Variants in NPAS3 observed in about 807,000 individuals in gnomAD.
NPAS3 encodes the protein neuronal PAS domain protein 3.
Under a neutral mutation model 73.1 loss-of-function variants are expected in NPAS3, and 14 were observed. The ratio of observed to expected loss-of-function variants is 0.19; its 90% CI spans 0.13 to 0.30. The LOEUF (loss-of-function observed/expected upper bound fraction) is 0.30, where lower values mean the gene tolerates loss of function less well. Among genes scored for constraint, NPAS3 ranks in the 10% least tolerant of loss-of-function variants. The pLI, the probability that NPAS3 is intolerant of heterozygous loss-of-function variation, is 1.00. For missense variants in NPAS3, 1,096 were observed against 1,250.0 expected (o/e 0.88, Z 1.86); for synonymous variants, 620 against 541.5 (o/e 1.14, Z -2.01).
At chr14:33,531,215 G>T (rs539886489) in intron 4 of NPAS3, among the ~76,000 whole-genome samples, 83 of 152,084 alleles carry the variant, frequency 5.5e-4, no homozygotes, top group Non-Finnish European at 8.5e-4. Context: ...CTTTAAAAAT[G>T]ATTTTTAAAA....
At chr14:33,592,853 T>G (rs993075408) in intron 5 of NPAS3, among the ~76,000 whole-genome samples, 6 of 152,188 alleles carry the variant, frequency 3.9e-5, no homozygotes, top group Admixed American at 3.3e-4. Context: ...AATATTAGAA[T>G]GTATGCCTCA....
chr14:33,584,377 G>A (rs191076454), intron 5 of NPAS3, among the ~76,000 whole-genome samples: 1 of 147,046 alleles, frequency 6.8e-6, no homozygotes, highest in East Asian at 2.0e-4. Flanking sequence ...GTTGCTGAAT[G>A]CTATTCATAG....
chr14:33,340,222 T>C (rs1253725129), intron 3 of NPAS3, among the ~76,000 whole-genome samples: 26 of 152,350 alleles, frequency 1.7e-4, no homozygotes, highest in Non-Finnish European at 1.0e-4. Context: ...TGGCTAGGCA[T>C]AGTGGCTCAT....
chr14:33,420,870 G>C (rs1340359650), intron 4 of NPAS3, among the ~76,000 whole-genome samples: 1 of 151,740 alleles, frequency 6.6e-6, no homozygotes, highest in Non-Finnish European at 1.5e-5. Flanking sequence ...AAACAATAGC[G>C]CTTTGCTTCT....
rs557944818 is a variant in NPAS3 at position 33,211,636 on chromosome 14, T to G, written c.141-3546T>G. ...TACATTTGAGAATCTGAAAATTTAC[T>G]ATTTCTCCTATCTATCTATCTATAT... On this transcript the variant is annotated intron_variant, in intron 2 of 11. Coordinates refer to ENST00000356141, the Ensembl canonical transcript of NPAS3. 5.3e-4 allele frequency among the ~76,000 whole-genome samples: 80 copies of G among 152,332 alleles called. 2 individuals are homozygous for G. Among genetic ancestry groups the G allele is most frequent in the South Asian group, 4.6e-3 (22 of 4,830 alleles).
chr14:33,584,590 G>A (rs1011773550), intron 5 of NPAS3, among the ~76,000 whole-genome samples: 25 of 152,062 alleles, frequency 1.6e-4, no homozygotes, highest in African/African-American at 6.0e-4. Flanking sequence ...GCAGGACAAG[G>A]GCTTATACTT....
downstream of NPAS3, chr14:33,802,826 A>G (rs899332001): frequency 1.3e-5 from 2 of 151,982 alleles, no homozygotes; most frequent in African/African-American, 4.8e-5. Context: ...TTTACCTTTT[A>G]AAATTCCTGC....
At chr14:33,682,435 T>C (rs1566418397) in intron 6 of NPAS3, among the ~76,000 whole-genome samples, 1 of 152,236 alleles carries the variant, frequency 6.6e-6, no homozygotes, top group Non-Finnish European at 1.5e-5. Context: ...CTGTGTTTCT[T>C]AACTATGTCA....
At chr14:33,251,077 G>T (rs565721241) in intron 3 of NPAS3, among the ~76,000 whole-genome samples, 1 of 152,156 alleles carries the variant, frequency 6.6e-6, no homozygotes, top group Admixed American at 6.5e-5. Flanking sequence ...TTTTTTGGAG[G>T]TAGGCAATCT....
chr14:33,149,611 A>G (rs2044372261), intron 2 of NPAS3, among the ~76,000 whole-genome samples: 1 of 152,204 alleles, frequency 6.6e-6, no homozygotes. Context: ...ACTTATGTAT[A>G]TAAGTGCTTC....
intron 2 of NPAS3, among the ~76,000 whole-genome samples, chr14:33,210,557 G>T (rs2046993375): frequency 6.6e-6 from 1 of 151,972 alleles, no homozygotes; most frequent in Admixed American, 6.6e-5. Flanking sequence ...AGAACTTTTA[G>T]GTTTGTGATC....
chr14:32,960,682 T>C (rs1018782383), intron 1 of NPAS3, among the ~76,000 whole-genome samples: 2 of 152,226 alleles, frequency 1.3e-5, no homozygotes, highest in South Asian at 2.1e-4. Context: ...TTTCTTACTA[T>C]AGAATGAAAT....
At chr14:33,159,031 C>T (rs112272325) in intron 2 of NPAS3, among the ~76,000 whole-genome samples, 29,871 of 151,832 alleles carry the variant, frequency 0.2, 3,039 homozygotes, top group East Asian at 0.23. Flanking sequence ...GGCATGGTGG[C>T]GCATGCCTGT....
intron 3 of NPAS3, among the ~76,000 whole-genome samples, chr14:33,351,585 G>A (rs549433005): frequency 4.3e-4 from 65 of 152,186 alleles, no homozygotes; most frequent in African/African-American, 1.5e-3. Context: ...ATGCATATAC[G>A]TGTATGTACA....
At chr14:33,308,527 T>TATATATATATATATATATATATATAC in intron 3 of NPAS3, among the ~76,000 whole-genome samples, 5 of 103,732 alleles carry the variant, frequency 4.8e-5, no homozygotes, top group Non-Finnish European at 7.5e-5. Flanking sequence ...TATATATATA[T>TATATATATATATATATATATATATAC]ACATACACAC....
chr14:33,134,813 G>A lies in NPAS3; in HGVS notation c.140+78819G>A, dbSNP rs796540813. ...CATTTACCTGTTAGATCTTTATATG[G>A]ATAATGACATTTTGAAACTTTCTCC... On this transcript the variant is annotated intron_variant, in intron 2 of 11. Coordinates refer to ENST00000356141, the Ensembl canonical transcript of NPAS3. Among the ~76,000 whole-genome samples, 6 of 151,970 alleles carry A rather than the reference G, an allele frequency of 3.9e-5. No homozygotes were observed. In the East Asian group the frequency reaches 9.6e-4, roughly 24 times the overall value.
chr14:33,086,910 A>C (rs1259034627), intron 2 of NPAS3, among the ~76,000 whole-genome samples: 1 of 151,982 alleles, frequency 6.6e-6, no homozygotes, highest in Non-Finnish European at 1.5e-5. Context: ...TTACCTGAAA[A>C]TAGAGCCCAA....
In NPAS3 at chr14:33,011,317, G is replaced by A. The variant is rs535449826; in HGVS notation, c.51-44588G>A. Among the ~76,000 whole-genome samples the A allele has an allele frequency of 4.3e-4, 66 of 152,306 alleles. 1 individual carries two copies. The highest frequency in any genetic ancestry group is 3.4e-3 in the Middle Eastern group (1 of 294). On this transcript the variant is annotated intron_variant, in intron 1 of 11. Transcript: ENST00000356141. ...TGAGTGGCCAGAGCCTATCCTGGCA[G>A]CTCCACTCAGGGTGCAATGTGGGGA...
At chr14:33,029,166 C>T (rs569691374) in intron 1 of NPAS3, among the ~76,000 whole-genome samples, 3 of 152,104 alleles carry the variant, frequency 2.0e-5, no homozygotes, top group Non-Finnish European at 2.9e-5. Flanking sequence ...AGGAGTGAGG[C>T]GGGTAGGGAT....
Sources: gnomAD v4.1 joint callset for allele counts (sites outside exome capture counted in the v4.1 genomes callset) on GRCh38, gnomAD v4.1.1 for gene constraint, MANE v1.5 for transcripts, NCBI Gene and HGNC (gene_info 2026-07-23, HGNC 2026-07-21) for gene names.